The following CACNA2D1 variants were observed in gnomAD, a reference collection of about 807,000 sequenced individuals.
CACNA2D1 encodes the protein calcium voltage-gated channel auxiliary subunit alpha2delta 1.
CACNA2D1 carries 53 observed loss-of-function variants against 171.5 expected under a neutral mutation model. The observed-to-expected ratio is 0.31, with a 90% CI of 0.25 to 0.39. The LOEUF (loss-of-function observed/expected upper bound fraction) is 0.39. Among genes scored for constraint, CACNA2D1 ranks in the 10% least tolerant of loss-of-function variants. The probability of loss-of-function intolerance (pLI) is 1.00; values close to 1 mark genes in which losing one functional copy is unlikely to be tolerated. For missense variants in CACNA2D1, 903 were observed against 1,299.8 expected (o/e 0.69, Z 4.69); for synonymous variants, 442 against 443.1 (o/e 1.00, Z 0.03).
intron 3 of CACNA2D1, among the ~76,000 whole-genome samples, chr7:82,311,124 C>A (rs1209983907): frequency 6.6e-6 from 1 of 151,824 alleles, no homozygotes; most frequent in African/African-American, 2.4e-5. Context: ...TTCTGTATGC[C>A]ACAGAAAATA....
At chr7:82,140,241 C>T (rs1792211913) in intron 4 of CACNA2D1, among the ~76,000 whole-genome samples, 1 of 152,156 alleles carries the variant, frequency 6.6e-6, no homozygotes, top group African/African-American at 2.4e-5. Context: ...CAGGCTGTCA[C>T]ATTTTAAGAA....
chr7:81,967,244 A>G lies in CACNA2D1; in HGVS notation c.2464-37T>C, dbSNP rs764627235. 1.5e-5 allele frequency: 24 copies of G among 1,553,952 alleles called. No homozygotes were observed. The Admixed American group carries it at 4.0e-4, about 26-fold the overall frequency. ...AAATGCGATTATCACCTCACTTTTA[A>G]AAGTTGGATTTTAATTATATTATTA... On this transcript the variant is annotated intron_variant, in intron 30 of 38. Transcript: ENST00000356860.
chr7:82,016,616 C>T (rs1199529517), intron 12 of CACNA2D1, among the ~76,000 whole-genome samples: 1 of 130,172 alleles, frequency 7.7e-6, no homozygotes, highest in African/African-American at 2.7e-5. Flanking sequence ...GCCCGCCCCC[C>T]CCCCCCAAAA....
At chr7:82,015,568 T>C (rs1584415710) in intron 12 of CACNA2D1, among the ~76,000 whole-genome samples, 1 of 152,162 alleles carries the variant, frequency 6.6e-6, no homozygotes, top group Non-Finnish European at 1.5e-5. Context: ...TTTACATATA[T>C]ATTGATTTTT....
intron 3 of CACNA2D1, among the ~76,000 whole-genome samples, chr7:82,252,707 T>C (rs1238162969): frequency 1.3e-5 from 2 of 151,828 alleles, no homozygotes; most frequent in Non-Finnish European, 1.5e-5. Context: ...TGGGCCAACA[T>C]GGTGAAACCC....
intron 12 of CACNA2D1, among the ~76,000 whole-genome samples, chr7:82,017,357 T>G (rs1160768729): frequency 6.6e-6 from 1 of 152,154 alleles, no homozygotes; most frequent in Non-Finnish European, 1.5e-5. Context: ...CTTTGTACAT[T>G]TTAGCTAATT....
chr7:81,998,632 G>A (rs989601102), intron 18 of CACNA2D1, among the ~76,000 whole-genome samples: 1 of 151,920 alleles, frequency 6.6e-6, no homozygotes, highest in Non-Finnish European at 1.5e-5. Flanking sequence ...AAATAGCCAT[G>A]TCTGGCACTT....
intron 5 of CACNA2D1, among the ~76,000 whole-genome samples, chr7:82,122,167 A>G (rs878907719): frequency 6.6e-6 from 1 of 152,180 alleles, no homozygotes; most frequent in Non-Finnish European, 1.5e-5. Context: ...GAAAGTTAAA[A>G]AACACTGTAG....
chr7:81,959,529 T>C (rs1793847747), intron 37 of CACNA2D1, among the ~76,000 whole-genome samples, 172 bp from the exon 38 acceptor site: 1 of 152,072 alleles, frequency 6.6e-6, no homozygotes, highest in Non-Finnish European at 1.5e-5. Context: ...TGAATTATCC[T>C]TTTCTGGGGC....
At chr7:82,335,341 A>G in intron 2 of CACNA2D1, 90 bp from the exon 3 acceptor site, 1 of 788,950 alleles carries the variant, frequency 1.3e-6, no homozygotes, top group South Asian at 1.4e-5. Context: ...ACTATAAACA[A>G]CTGATTAGAA....
chr7:82,255,927 T>C (rs962466756), intron 3 of CACNA2D1, among the ~76,000 whole-genome samples: 2 of 152,206 alleles, frequency 1.3e-5, no homozygotes, highest in Non-Finnish European at 1.5e-5. Flanking sequence ...CCAGTGTGTG[T>C]ATGTGCCTGT....
At chr7:82,067,900 C>G (rs535514126) in intron 7 of CACNA2D1, among the ~76,000 whole-genome samples, 2 of 152,160 alleles carry the variant, frequency 1.3e-5, no homozygotes, top group African/African-American at 4.8e-5. Flanking sequence ...GCTGATAATA[C>G]ATTTCCTGCC....
At chr7:82,313,652 G>A (rs953339967) in intron 3 of CACNA2D1, among the ~76,000 whole-genome samples, 1 of 152,162 alleles carries the variant, frequency 6.6e-6, no homozygotes, top group Non-Finnish European at 1.5e-5. Context: ...GGCCCTTTGA[G>A]TTTTCATATT....
chr7:82,229,738 C>G (rs959941411), intron 3 of CACNA2D1, among the ~76,000 whole-genome samples: 3 of 143,030 alleles, frequency 2.1e-5, no homozygotes, highest in African/African-American at 7.6e-5. Context: ...ACTTTGTTAC[C>G]CAGGCTGCTT....
chr7:82,321,269 C>T (rs1253192571), intron 3 of CACNA2D1, among the ~76,000 whole-genome samples: 2 of 151,874 alleles, frequency 1.3e-5, no homozygotes. Context: ...CATGGTGGTG[C>T]GCGCTTGTAA....
chr7:82,217,390 C>CACACACATATATATATATATATAT (rs1402573092), intron 3 of CACNA2D1, among the ~76,000 whole-genome samples: 2 of 54,448 alleles, frequency 3.7e-5, no homozygotes, highest in South Asian at 6.1e-4. Flanking sequence ...CACACACACA[C>CACACACATATATATATATATATAT]ATACATATAT....
intron 10 of CACNA2D1, among the ~76,000 whole-genome samples, chr7:82,055,354 T>A (rs966860894): frequency 3.3e-5 from 5 of 152,132 alleles, no homozygotes; most frequent in African/African-American, 1.2e-4. Context: ...CTATCTCATC[T>A]AATGGCTTTA....
chr7:82,040,301 G>T (rs2131220870), intron 10 of CACNA2D1, among the ~76,000 whole-genome samples: 1 of 152,220 alleles, frequency 6.6e-6, no homozygotes, highest in South Asian at 2.1e-4. Flanking sequence ...GGGATGACTG[G>T]TTCAGGGATA....
At chr7:82,081,378 C>A (rs1249034842) in intron 7 of CACNA2D1, among the ~76,000 whole-genome samples, 2 of 152,078 alleles carry the variant, frequency 1.3e-5, no homozygotes, top group Non-Finnish European at 2.9e-5. Context: ...AACACAATCG[C>A]CCACTTTTAA....
Sources: gnomAD v4.1 joint callset for allele counts (sites outside exome capture counted in the v4.1 genomes callset) on GRCh38, gnomAD v4.1.1 for gene constraint, MANE v1.5 for transcripts, NCBI Gene and HGNC (gene_info 2026-07-23, HGNC 2026-07-21) for gene names.